The following IMMP2L variants were observed in gnomAD, a reference collection of about 807,000 sequenced individuals.
The protein encoded by IMMP2L is inner mitochondrial membrane peptidase subunit 2.
A neutral mutation model predicts 19.3 loss-of-function variants in IMMP2L; 18 were observed. The ratio of observed to expected loss-of-function variants is 0.93; its 90% CI spans 0.64 to 1.38. The LOEUF is 1.38. Among genes scored for constraint, IMMP2L ranks in the 40% most tolerant of loss-of-function variants. The probability of loss-of-function intolerance (pLI) is 0.00; values close to 1 mark genes in which losing one functional copy is unlikely to be tolerated. For missense variants in IMMP2L, 233 were observed against 218.2 expected (o/e 1.07, Z -0.43); for synonymous variants, 76 against 73.0 (o/e 1.04, Z -0.21).
intron 3 of IMMP2L, among the ~76,000 whole-genome samples, chr7:111,088,792 T>A (rs1796570732): frequency 6.6e-6 from 1 of 152,174 alleles, no homozygotes; most frequent in South Asian, 2.1e-4. Flanking sequence ...GAGCCACATT[T>A]CATATTTACA....
At chr7:110,800,569 T>C (rs1801172160) in intron 5 of IMMP2L, among the ~76,000 whole-genome samples, 1 of 152,084 alleles carries the variant, frequency 6.6e-6, no homozygotes. Context: ...GAAGGAATCA[T>C]AGTTTCTTCC....
intron 4 of IMMP2L, among the ~76,000 whole-genome samples, chr7:110,962,060 T>C (rs964463662): frequency 2.0e-5 from 3 of 151,950 alleles, no homozygotes; most frequent in Non-Finnish European, 2.9e-5. Context: ...AATGGGTGAA[T>C]TGTATGGTAA....
chr7:111,074,780 T>C (rs1372023136), intron 3 of IMMP2L, among the ~76,000 whole-genome samples: 1 of 152,212 alleles, frequency 6.6e-6, no homozygotes, highest in African/African-American at 2.4e-5. Flanking sequence ...TTGGCCAAGA[T>C]TGCAATCACG....
chr7:111,180,180 C>A (rs1221728055), intron 3 of IMMP2L, among the ~76,000 whole-genome samples: 1 of 152,024 alleles, frequency 6.6e-6, no homozygotes, highest in Non-Finnish European at 1.5e-5. Context: ...CTAACTGGTA[C>A]AAGAGGCCTA....
intron 3 of IMMP2L, among the ~76,000 whole-genome samples, chr7:110,973,365 A>G (rs1441374104): frequency 6.6e-6 from 1 of 152,052 alleles, no homozygotes; most frequent in Admixed American, 6.6e-5. Context: ...TACACATAGA[A>G]CACCAAAGAA....
At chr7:111,344,482 G>C (rs528717377) in intron 3 of IMMP2L, among the ~76,000 whole-genome samples, 2 of 152,244 alleles carry the variant, frequency 1.3e-5, no homozygotes, top group African/African-American at 4.8e-5. Context: ...CCCATTCACT[G>C]ATCTTTCCTT....
At chr7:111,120,974 A>G (rs183234454) in intron 3 of IMMP2L, among the ~76,000 whole-genome samples, 57 of 152,278 alleles carry the variant, frequency 3.7e-4, no homozygotes, top group African/African-American at 1.3e-3. Flanking sequence ...AAGATTTAAA[A>G]GTTGTTTTCC....
At chr7:110,771,480 C>T (rs1277097053) in intron 5 of IMMP2L, among the ~76,000 whole-genome samples, 1 of 152,136 alleles carries the variant, frequency 6.6e-6, no homozygotes, top group Non-Finnish European at 1.5e-5. Flanking sequence ...CTGCCTGACT[C>T]CCAGCTTTGC....
chr7:111,549,691 G>A (rs1458222912), intron 1 of IMMP2L, among the ~76,000 whole-genome samples: 1 of 152,102 alleles, frequency 6.6e-6, no homozygotes, highest in Non-Finnish European at 1.5e-5. Context: ...TGTAATCCCA[G>A]CACTTTGGGA....
chr7:110,948,780 C>T (rs971354719), intron 4 of IMMP2L, among the ~76,000 whole-genome samples: 2 of 152,160 alleles, frequency 1.3e-5, no homozygotes, highest in Non-Finnish European at 2.9e-5. Flanking sequence ...TGTGTCTCTG[C>T]AGGTGTTTCC....
intron 2 of IMMP2L, among the ~76,000 whole-genome samples, chr7:111,491,136 T>G (rs1843062594): frequency 6.6e-6 from 1 of 152,150 alleles, no homozygotes; most frequent in Non-Finnish European, 1.5e-5. Flanking sequence ...CAAAAATATA[T>G]TTTTCTCTTT....
At chr7:111,183,880 C>G (rs374460646) in intron 3 of IMMP2L, among the ~76,000 whole-genome samples, 1 of 152,018 alleles carries the variant, frequency 6.6e-6, no homozygotes, top group South Asian at 2.1e-4. Flanking sequence ...TAACTGATAA[C>G]GGCTTTTTAA....
intron 3 of IMMP2L, among the ~76,000 whole-genome samples, chr7:111,315,960 C>CG (rs768290077): frequency 6.6e-5 from 10 of 152,028 alleles, no homozygotes; most frequent in Non-Finnish European, 1.5e-4. Flanking sequence ...CATAATTGTG[C>CG]GAACATCACA....
chr7:110,969,886 A>AT (rs2129556401), intron 3 of IMMP2L, among the ~76,000 whole-genome samples: 1 of 152,260 alleles, frequency 6.6e-6, no homozygotes, highest in South Asian at 2.1e-4. Context: ...CAGCAGAAAT[A>AT]TCACCTTTAT....
At chr7:111,382,728 T>A (rs1831324106) in intron 3 of IMMP2L, among the ~76,000 whole-genome samples, 1 of 152,048 alleles carries the variant, frequency 6.6e-6, no homozygotes, top group African/African-American at 2.4e-5. Flanking sequence ...AGAACACAGA[T>A]GGACAGGCAA....
chr7:110,825,124 T>C (rs1249015305), intron 5 of IMMP2L, among the ~76,000 whole-genome samples: 1 of 152,038 alleles, frequency 6.6e-6, no homozygotes, highest in Non-Finnish European at 1.5e-5. Context: ...GAATCCAACT[T>C]ACAAGGGATG....
intron 3 of IMMP2L, among the ~76,000 whole-genome samples, chr7:111,364,944 T>C (rs1054788516): frequency 6.6e-6 from 1 of 150,518 alleles, no homozygotes; most frequent in East Asian, 2.0e-4. Context: ...CACTCCAACC[T>C]GGGCGACAGA....
chr7:110,693,463 T>C (rs1793653037), intron 5 of IMMP2L, among the ~76,000 whole-genome samples: 1 of 152,210 alleles, frequency 6.6e-6, no homozygotes, highest in African/African-American at 2.4e-5. Context: ...AATATAGACT[T>C]ATTCATTTGT....
chr7:111,444,547 G>A (rs772561076), intron 3 of IMMP2L, among the ~76,000 whole-genome samples: 1 of 152,146 alleles, frequency 6.6e-6, no homozygotes, highest in Non-Finnish European at 1.5e-5. Context: ...TTAAGTGCCT[G>A]CAAATAAGTG....
Sources: gnomAD v4.1 joint callset for allele counts (sites outside exome capture counted in the v4.1 genomes callset) on GRCh38, gnomAD v4.1.1 for gene constraint, MANE v1.5 for transcripts, NCBI Gene and HGNC (gene_info 2026-07-23, HGNC 2026-07-21) for gene names.